OTUD6B: variants seen among roughly 807,000 people sequenced by gnomAD.
OTUD6B encodes OTU deubiquitinase 6B.
OTUD6B carries 41 observed loss-of-function variants against 36.9 expected under a neutral mutation model. That is an observed-to-expected ratio of 1.11 (90% CI 0.87 to 1.44). OTUD6B has a LOEUF of 1.44. Ranked by LOEUF, OTUD6B falls within the 40% of genes most tolerant of loss-of-function variation. The probability of loss-of-function intolerance (pLI) is 0.00; values close to 1 mark genes in which losing one functional copy is unlikely to be tolerated. For missense variants in OTUD6B, 356 were observed against 344.8 expected (o/e 1.03, Z -0.26); for synonymous variants, 114 against 114.2 (o/e 1.00, Z 0.01).
intron 2 of OTUD6B, among the ~76,000 whole-genome samples, chr8:91,071,969 T>C (rs1812710092): frequency 6.6e-6 from 1 of 152,234 alleles, no homozygotes. Flanking sequence ...CAAATATTTC[T>C]ACACTCTAAG....
intron 2 of OTUD6B, among the ~76,000 whole-genome samples, chr8:91,071,516 T>A (rs954116931): frequency 1.4e-4 from 21 of 151,996 alleles, no homozygotes; most frequent in Non-Finnish European, 2.8e-4. Context: ...GCCCGGCTAA[T>A]TTTTTGTATT....
At chr8:91,080,283 A>T (rs759680629) in intron 4 of OTUD6B, among the ~76,000 whole-genome samples, 16 of 151,846 alleles carry the variant, frequency 1.1e-4, no homozygotes, top group Admixed American at 2.0e-4. Flanking sequence ...CAGGAACTAC[A>T]TTTTTTTTGT....
chr8:91,080,151 C>A (rs1431158025), intron 4 of OTUD6B, among the ~76,000 whole-genome samples: 1 of 152,106 alleles, frequency 6.6e-6, no homozygotes, highest in Non-Finnish European at 1.5e-5. Context: ...GTAAGTGCTT[C>A]CAAAATAACA....
At chr8:91,084,460 C>G (rs1812969026) in intron 6 of OTUD6B, among the ~76,000 whole-genome samples, 1 of 152,044 alleles carries the variant, frequency 6.6e-6, no homozygotes, top group South Asian at 2.1e-4. Context: ...ATACAGCATG[C>G]AGGGTTTGCT....
In OTUD6B at chr8:91,070,478, G is replaced by A; in HGVS notation, c.82+12G>A. On this transcript the variant is annotated intron_variant, in intron 1 of 6. Transcript: ENST00000404789. ...GAAGGAGTTGCAAGGTGAGGCGGAA[G>A]GAAGTGGGAATCTGGAAGCCGCCGC... 2 of 1,557,458 alleles carry A rather than the reference G, an allele frequency of 1.3e-6. No individual in the cohort carries two copies. Among genetic ancestry groups the A allele is most frequent in the Non-Finnish European group, 8.7e-7 (1 of 1,150,370 alleles).
At chr8:91,082,094 A>C (rs539660561) in intron 5 of OTUD6B, among the ~76,000 whole-genome samples, 1 of 152,284 alleles carries the variant, frequency 6.6e-6, no homozygotes, top group South Asian at 2.1e-4. Context: ...AAAGAAAATC[A>C]TTCTATGATC....
rs1813020107 is a variant in OTUD6B, at chr8:91,086,598, TC to T, written c.*1731del. 6.6e-6 allele frequency: 1 copy of T among 152,136 alleles called. No homozygotes were observed. The highest frequency in any genetic ancestry group is 1.5e-5 in the Non-Finnish European group (1 of 67,986). 9.4% of individuals were successfully genotyped at this position (152,136 alleles called of 1,614,324 possible). On this transcript the variant is annotated 3_prime_UTR_variant, in exon 7 of 7. Coordinates refer to ENST00000404789, the MANE Select transcript of OTUD6B (RefSeq NM_016023.5). ...CCCAGTATTATAAATGTTATCTACATCTAAAGTATTTTAAAATAACTTATTG... is the reference window on the plus strand; with the variant it reads ...CCCAGTATTATAAATGTTATCTACATTAAAGTATTTTAAAATAACTTATTG...
At chr8:91,070,599 C>A in intron 1 of OTUD6B, 133 bp downstream of exon 1, 2 of 801,694 alleles carry the variant, frequency 2.5e-6, no homozygotes, top group South Asian at 3.5e-5. Flanking sequence ...CAAGTGGCCT[C>A]TTCTCTCTTC....
At chr8:91,084,217 T>A in intron 6 of OTUD6B, 103 bp downstream of exon 6, 1 of 683,110 alleles carries the variant, frequency 1.5e-6, no homozygotes, top group Non-Finnish European at 2.4e-6. Flanking sequence ...ACTTAGATAA[T>A]TTTTTAAACC....
At chr8:91,076,518 C>T (rs1586205190) in intron 3 of OTUD6B, 1 of 1,518,590 alleles carries the variant, frequency 6.6e-7, no homozygotes, top group South Asian at 1.2e-5. Context: ...AGATAAAGTG[C>T]CACTCTTTCA....
In OTUD6B at chr8:91,077,082, A is replaced by G. The variant is rs151251708; in HGVS notation, c.316-1274A>G. ...GTTATGGAAGTCTTTACCTTTTCCT[A>G]TTCTTGGCTTACCAAATCCTTCACT... On this transcript the variant is annotated intron_variant, in intron 3 of 6. Coordinates refer to ENST00000404789, the MANE Select transcript of OTUD6B (RefSeq NM_016023.5). Among the ~76,000 whole-genome samples, 116 of 152,168 alleles carry G rather than the reference A, an allele frequency of 7.6e-4. 3 individuals carry two copies. The East Asian group carries it at 0.017, about 22-fold the overall frequency.
Position 91,078,632 on chromosome 8 carries a change from T to G in OTUD6B, c.592T>G (p.Leu198Val). 6.3e-7 allele frequency: 1 copy of G among 1,592,622 alleles called. No homozygotes were observed. The highest frequency in any genetic ancestry group is 8.6e-7 in the Non-Finnish European group (1 of 1,168,292). ...QSHVEDFLPF[L>V]TNPNTGDMYT... ...CCATGTGGAAGACTTTCTGCCATTTTTAACAAACCCTAATACAGGAGATAT... is the reference window on the plus strand; with the variant it reads ...CCATGTGGAAGACTTTCTGCCATTTGTAACAAACCCTAATACAGGAGATAT... Residue 198 changes from leucine to valine, a missense_variant, in exon 4 of 7, where the codon TTA (leucine) becomes GTA (valine). Transcript: ENST00000404789.
rs1211334022 is a variant in OTUD6B at position 91,071,228 on chromosome 8, A to T, written c.173A>T (p.Glu58Val). Residue 58 changes from glutamate (E) to valine (V), a missense_variant, in exon 2 of 7, where the codon GAA becomes GTA. Coordinates refer to ENST00000404789, the MANE Select transcript of OTUD6B (RefSeq NM_016023.5). ...LTEDVAKLEK[E>V]MEQKHREELE... ...GAAGATGTGGCCAAGTTGGAAAAAG[A>T]AATGGAACAGAAACATAGAGAGGAA... is the stretch of plus-strand genomic sequence containing the variant. The T allele has an allele frequency of 2.5e-6, 4 of 1,613,972 alleles. No individual in the cohort carries two copies. The highest frequency in any genetic ancestry group is 4.5e-5 in the East Asian group (2 of 44,890).
chr8:91,070,349 T>G lies in OTUD6B; in HGVS notation c.-36T>G. 1.2e-6 allele frequency: 2 copies of G among 1,613,148 alleles called. No individual in the cohort carries two copies. Among genetic ancestry groups the G allele is most frequent in the Non-Finnish European group, 8.5e-7 (1 of 1,179,568 alleles). On this transcript the variant is annotated 5_prime_UTR_variant, in exon 1 of 7. Transcript: ENST00000404789. ...GAAGGTGCCTACTAGCCGGTGCAGG[T>G]TTCTTCTAGCGCGTGTGCTGGGGTA... is the stretch of plus-strand genomic sequence containing the variant.
chr8:91,084,090 A>G lies in OTUD6B; in HGVS notation c.773A>G (p.Tyr258Cys), dbSNP rs937908080. Residue 258 changes from tyrosine to cysteine, a missense_variant, in exon 6 of 7, where the codon TAT becomes TGT. By Grantham distance (194) the Tyr-to-Cys change is radical. Transcript: ENST00000404789. The part of the protein sequence containing the change: ...DSPPIIVGEE[Y>C]SKKPLILVYM... ...CCTCCCATTATAGTTGGTGAAGAAT[A>G]TTCAAAAAAACCACTAATACTTGTG... is the stretch of plus-strand genomic sequence containing the variant. 3 of 1,559,328 alleles carry G rather than the reference A, an allele frequency of 1.9e-6. No individual in the cohort carries two copies. Among genetic ancestry groups the G allele is most frequent in the East Asian group, 2.3e-5 (1 of 43,238 alleles).
chr8:91,086,782 C>T lies in OTUD6B; in HGVS notation c.*1914C>T, dbSNP rs1813024694. 1 of 151,972 alleles carries T rather than the reference C, an allele frequency of 6.6e-6. No individual in the cohort carries two copies. The highest frequency in any genetic ancestry group is 1.5e-5 in the Non-Finnish European group (1 of 67,910). The allele number at this position is 151,972 out of a possible 1,614,324, so 9.4% of individuals were successfully genotyped here. ...CTTTCCTAAAACTTCAGATAAATAT[C>T]ATTTTAGCTATAACCTAAAAAAGTG... On this transcript the variant is annotated 3_prime_UTR_variant, in exon 7 of 7. Transcript: ENST00000404789.
intron 3 of OTUD6B, chr8:91,076,359 A>G (rs1232188125): frequency 1.6e-6 from 1 of 621,260 alleles, no homozygotes. Context: ...GGGAAACTAT[A>G]TATTGCTGGA....
chr8:91,071,290 G>A lies in OTUD6B; in HGVS notation c.234+1G>A, dbSNP rs767665903. On this transcript the variant is annotated splice_donor_variant, in intron 2 of 6. Transcript: ENST00000404789. LOFTEE classifies it high-confidence loss of function. ...GAAGCTGACTACTAAGGAGAATAAG[G>A]TATGTGAAATAAATGTTTGTCGTTG... 6.2e-7 allele frequency: 1 copy of A among 1,604,984 alleles called. No homozygotes were observed. The highest frequency in any genetic ancestry group is 2.2e-5 in the East Asian group (1 of 44,592).
rs1812842057 is a variant in OTUD6B, at chr8:91,078,501, C to G, written c.461C>G (p.Ser154Cys). ...ARQLEIKQIP[S>C]DGHCMYKAIE... ...CAGTTAGAAATTAAACAGATTCCAT[C>G]TGATGGCCACTGTATGTATAAAGCC... Residue 154 changes from serine (S) to cysteine (C), a missense_variant, in exon 4 of 7, where the codon TCT (serine) becomes TGT (cysteine). Ser to Cys is a moderately radical substitution (Grantham distance 112). Coordinates refer to ENST00000404789, the MANE Select transcript of OTUD6B (RefSeq NM_016023.5). 3 of 1,609,186 alleles carry G rather than the reference C, an allele frequency of 1.9e-6. No homozygotes were observed. Among genetic ancestry groups the G allele is most frequent in the Non-Finnish European group, 8.5e-7 (1 of 1,177,668 alleles).
Sources: allele counts gnomAD v4.1 joint callset (sites outside exome capture counted in the v4.1 genomes callset), GRCh38; gene constraint gnomAD v4.1.1; transcripts MANE v1.5; gene names NCBI Gene and HGNC (gene_info 2026-07-23, HGNC 2026-07-21).